Variants in GABRB1 observed in about 807,000 individuals in gnomAD.
The protein encoded by GABRB1 is gamma-aminobutyric acid type A receptor subunit beta1.
In GABRB1, 17 loss-of-function variants were observed where a neutral mutation model predicts 51.6. The ratio of observed to expected loss-of-function variants is 0.33; its 90% CI spans 0.23 to 0.49. The LOEUF is 0.49. Ranked by LOEUF, GABRB1 falls within the 20% of genes least tolerant of loss-of-function variation. GABRB1 has a pLI of 0.99. For synonymous variants in GABRB1, 247 were observed against 218.9 expected (o/e 1.13, Z -1.14); for missense variants, 410 against 600.6 (o/e 0.68, Z 3.32).
chr4:47,127,560 A>G (rs966267402), intron 3 of GABRB1, among the ~76,000 whole-genome samples: 3 of 151,646 alleles, frequency 2.0e-5, no homozygotes, highest in Admixed American at 6.6e-5. Context: ...TTCATTAGCC[A>G]TTAAAGTGAT....
intron 3 of GABRB1, among the ~76,000 whole-genome samples, chr4:47,044,975 C>A (rs532301529): frequency 1.1e-4 from 16 of 152,172 alleles, no homozygotes; most frequent in Admixed American, 8.5e-4. Context: ...CCATACCTCT[C>A]TAAATGTCAT....
intron 4 of GABRB1, among the ~76,000 whole-genome samples, chr4:47,238,851 G>A (rs1721422768): frequency 6.6e-6 from 1 of 152,106 alleles, no homozygotes; most frequent in African/African-American, 2.4e-5. Context: ...TAAATACTAA[G>A]TCTTGCTGTC....
intron 5 of GABRB1, among the ~76,000 whole-genome samples, chr4:47,382,470 T>C (rs1240693228): frequency 6.6e-6 from 1 of 152,226 alleles, no homozygotes; most frequent in Non-Finnish European, 1.5e-5. Flanking sequence ...GTTTTGATGA[T>C]GGATTGCTTC....
intron 5 of GABRB1, among the ~76,000 whole-genome samples, chr4:47,336,169 A>G (rs1725690373): frequency 5.9e-5 from 9 of 152,188 alleles, no homozygotes; most frequent in Admixed American, 5.9e-4. Flanking sequence ...GGAGATATCA[A>G]GTGAAAGTCT....
chr4:47,401,877 T>G (rs1173962070), intron 5 of GABRB1, among the ~76,000 whole-genome samples: 1 of 151,936 alleles, frequency 6.6e-6, no homozygotes, highest in Non-Finnish European at 1.5e-5. Flanking sequence ...CATCTATCTA[T>G]CTATCTGTGT....
intron 5 of GABRB1, among the ~76,000 whole-genome samples, chr4:47,349,602 C>T (rs184087921): frequency 2.0e-4 from 31 of 152,234 alleles, no homozygotes; most frequent in Admixed American, 1.4e-3. Context: ...TCCCTTTGTC[C>T]GGTGGATCCA....
At chr4:47,019,623 CTCTCTTTCTTTCTTTCTT>C (rs1560498079) in intron 1 of GABRB1, among the ~76,000 whole-genome samples, 1 of 96,396 alleles carries the variant, frequency 1.0e-5, no homozygotes, top group African/African-American at 4.3e-5. Flanking sequence ...CTTTCTTTCT[CTCTCTTTCTTTCTTTCTT>C]TCTTTCTTTC....
chr4:47,177,633 T>TA (rs949072159), intron 4 of GABRB1, among the ~76,000 whole-genome samples: 3 of 152,056 alleles, frequency 2.0e-5, no homozygotes, highest in African/African-American at 7.2e-5. Flanking sequence ...GGTAACCTGG[T>TA]AAAAAAGAAA....
intron 8 of GABRB1, among the ~76,000 whole-genome samples, chr4:47,408,341 A>G (rs910049194): frequency 2.0e-5 from 3 of 152,212 alleles, no homozygotes; most frequent in Non-Finnish European, 4.4e-5. Context: ...GCAAGAGCAT[A>G]GTTAGTGAGG....
intron 3 of GABRB1, among the ~76,000 whole-genome samples, chr4:47,066,471 G>T (rs545395250): frequency 1.3e-5 from 2 of 152,210 alleles, no homozygotes; most frequent in South Asian, 4.2e-4. Flanking sequence ...TTCAAAATTG[G>T]AGTTAATATT....
At chr4:47,382,938 C>A (rs1461205759) in intron 5 of GABRB1, among the ~76,000 whole-genome samples, 1 of 152,180 alleles carries the variant, frequency 6.6e-6, no homozygotes, top group Non-Finnish European at 1.5e-5. Context: ...TTCCTTCATG[C>A]CCAGACACAA....
chr4:47,348,201 A>G (rs924505904), intron 5 of GABRB1, among the ~76,000 whole-genome samples: 3 of 152,144 alleles, frequency 2.0e-5, no homozygotes. Flanking sequence ...TATTCTGGTG[A>G]TGTTATCATG....
At chr4:46,998,498 C>T (rs967068770) in intron 1 of GABRB1, among the ~76,000 whole-genome samples, 1 of 151,934 alleles carries the variant, frequency 6.6e-6, no homozygotes, top group African/African-American at 2.4e-5. Context: ...TTTGGGAGGC[C>T]GAGGTGGGTG....
At chr4:47,319,389 T>C (rs554036599) in intron 4 of GABRB1, among the ~76,000 whole-genome samples, 1 of 152,218 alleles carries the variant, frequency 6.6e-6, no homozygotes, top group South Asian at 2.1e-4. Context: ...TCTTGCCTTC[T>C]TCCAGATCTT....
chr4:47,259,563 T>C (rs191050609), intron 4 of GABRB1, among the ~76,000 whole-genome samples: 1 of 152,274 alleles, frequency 6.6e-6, no homozygotes, highest in African/African-American at 2.4e-5. Context: ...TTCAGTCTGC[T>C]CAACATCATA....
intron 4 of GABRB1, among the ~76,000 whole-genome samples, chr4:47,161,884 C>G (rs751933626): frequency 9.2e-5 from 14 of 151,932 alleles, no homozygotes; most frequent in Non-Finnish European, 2.1e-4. Context: ...GAACACTAAG[C>G]TGAAAATCCA....
chr4:47,422,573 T>A (rs1245618919), intron 8 of GABRB1, among the ~76,000 whole-genome samples: 1 of 152,150 alleles, frequency 6.6e-6, no homozygotes, highest in Non-Finnish European at 1.5e-5. Context: ...GACACCCTTC[T>A]CCCTCCTTGA....
upstream of GABRB1, among the ~76,000 whole-genome samples, chr4:47,028,791 A>G (rs141098842): frequency 8.2e-3 from 1,223 of 148,586 alleles, 14 homozygotes; most frequent in African/African-American, 0.028. Context: ...ATATATGTAT[A>G]TGTGTATATA....
chr4:47,260,590 T>C (rs1013534438), intron 4 of GABRB1, among the ~76,000 whole-genome samples: 1 of 152,284 alleles, frequency 6.6e-6, no homozygotes, highest in Non-Finnish European at 1.5e-5. Flanking sequence ...TTGTGAAGCT[T>C]AGTTTGGCTG....
Sources: gnomAD v4.1 joint callset for allele counts (sites outside exome capture counted in the v4.1 genomes callset) on GRCh38, gnomAD v4.1.1 for gene constraint, MANE v1.5 for transcripts, NCBI Gene and HGNC (gene_info 2026-07-23, HGNC 2026-07-21) for gene names.